SRBD1: variants seen among roughly 807,000 people sequenced by gnomAD.
SRBD1 encodes S1 RNA-binding domain-containing protein 1.
SRBD1 carries 88 observed loss-of-function variants against 115.3 expected under a neutral mutation model. The observed-to-expected ratio is 0.76, with a 90% confidence interval of 0.64 to 0.91. The LOEUF is 0.91. Among genes scored for constraint, SRBD1 ranks in the 40% least tolerant of loss-of-function variants. The pLI is 0.00. For missense variants in SRBD1, 1,385 were observed against 1,177.4 expected (o/e 1.18, Z -2.58); for synonymous variants, 509 against 407.7 (o/e 1.25, Z -2.99).
chr2:45,553,668 T>G lies in SRBD1; in HGVS notation c.1472A>C (p.Asp491Ala), dbSNP rs1672374733. 1 of 1,607,956 alleles carries G rather than the reference T, an allele frequency of 6.2e-7. No individual in the cohort carries two copies. The highest frequency in any genetic ancestry group is 8.5e-7 in the Non-Finnish European group (1 of 1,177,538). The stretch of plus-strand genomic sequence containing the variant: ...AGGATAAATAAGGCGTTTAAAGGAA[T>G]CATTCAGTGAATTATATAAGATCTT... ...LMKILYNSLN[D>A]SFKRLIYPLL... The change falls in exon 11 of 21, where the codon GAT becomes GCT. Residue 491 changes from aspartate to alanine, a missense_variant. Coordinates refer to ENST00000263736, the MANE Select transcript of SRBD1 (RefSeq NM_018079.5).
At chr2:45,581,645 T>C (rs552909660) in intron 6 of SRBD1, 48 bp downstream of exon 6, 21 of 1,434,500 alleles carry the variant, frequency 1.5e-5, no homozygotes, top group African/African-American at 1.1e-4. Flanking sequence ...AAGACCCAAA[T>C]TGCAATATAT....
At chr2:45,593,911 G>A (rs79343079) in intron 4 of SRBD1, among the ~76,000 whole-genome samples, 1 of 152,102 alleles carries the variant, frequency 6.6e-6, no homozygotes, top group East Asian at 1.9e-4. Flanking sequence ...GTATAAAGGG[G>A]GATTTTGAGA....
chr2:45,447,953 A>G (rs1558401715), intron 16 of SRBD1: 1 of 152,200 alleles, frequency 6.6e-6, no homozygotes, highest in Non-Finnish European at 1.5e-5. Flanking sequence ...AACATGGCTT[A>G]TTGTTTAATA....
At chr2:45,538,218 A>C (rs1671825613) in intron 14 of SRBD1, among the ~76,000 whole-genome samples, 1 of 152,212 alleles carries the variant, frequency 6.6e-6, no homozygotes, top group African/African-American at 2.4e-5. Flanking sequence ...AAAATTCTTC[A>C]TAACACCCCA....
chr2:45,454,156 T>C (rs1669082598), intron 16 of SRBD1, among the ~76,000 whole-genome samples: 1 of 151,924 alleles, frequency 6.6e-6, no homozygotes, highest in Admixed American at 6.6e-5. Context: ...TATTACAATG[T>C]GGTATTCCCT....
chr2:45,401,731 C>G (rs1462641871), intron 19 of SRBD1, among the ~76,000 whole-genome samples: 1 of 152,200 alleles, frequency 6.6e-6, no homozygotes, highest in Non-Finnish European at 1.5e-5. Context: ...TAGACATATT[C>G]AGTAGGCTGA....
intron 14 of SRBD1, among the ~76,000 whole-genome samples, chr2:45,516,831 T>C (rs1240957899): frequency 6.6e-6 from 1 of 152,202 alleles, no homozygotes; most frequent in Non-Finnish European, 1.5e-5. Context: ...AAATAAAAGA[T>C]ATATTAGAAT....
At chr2:45,591,398 C>T (rs1383653451) in intron 4 of SRBD1, among the ~76,000 whole-genome samples, 2 of 152,208 alleles carry the variant, frequency 1.3e-5, no homozygotes, top group East Asian at 3.9e-4. Context: ...AACTCCAATT[C>T]CCGAGTTTTC....
At chr2:45,407,627 G>C (rs1382931378) in intron 19 of SRBD1, among the ~76,000 whole-genome samples, 1 of 151,972 alleles carries the variant, frequency 6.6e-6, no homozygotes, top group Non-Finnish European at 1.5e-5. Flanking sequence ...ACAAAATTCA[G>C]AGTAATTATT....
intron 14 of SRBD1, among the ~76,000 whole-genome samples, chr2:45,523,690 T>G (rs2103962535): frequency 6.6e-6 from 1 of 150,500 alleles, no homozygotes; most frequent in South Asian, 2.1e-4. Flanking sequence ...ATACTGAATT[T>G]GTAATTAAAA....
chr2:45,490,242 T>G (rs1195900509), intron 14 of SRBD1, among the ~76,000 whole-genome samples: 1 of 152,158 alleles, frequency 6.6e-6, no homozygotes, highest in Non-Finnish European at 1.5e-5. Flanking sequence ...TCAGTTCCAT[T>G]ATAGTGGCAT....
intron 20 of SRBD1, among the ~76,000 whole-genome samples, chr2:45,391,619 T>A (rs1667004762): frequency 6.6e-6 from 1 of 152,150 alleles, no homozygotes; most frequent in Non-Finnish European, 1.5e-5. Context: ...AAAGTTTTTT[T>A]AAAGAGACCT....
Position 45,429,454 on chromosome 2 carries a change from G to A in SRBD1, c.2050-9560C>T, listed in dbSNP as rs183295686. Among the ~76,000 whole-genome samples, 121 of 152,108 alleles carry A rather than the reference G, an allele frequency of 8.0e-4. 1 individual carries two copies. Among genetic ancestry groups the A allele is most frequent in the African/African-American group, 2.8e-3 (115 of 41,482 alleles). ...CAAAAAGCTTATCCACCGAGATCAA[G>A]TTGGCTTCATCTCTGGGATGCAAGG... is the stretch of plus-strand genomic sequence containing the variant. On this transcript the variant is annotated intron_variant, in intron 16 of 20. Coordinates refer to ENST00000263736, the MANE Select transcript of SRBD1 (RefSeq NM_018079.5).
At chr2:45,396,967 C>T (rs1187912365) in intron 19 of SRBD1, among the ~76,000 whole-genome samples, 2 of 152,118 alleles carry the variant, frequency 1.3e-5, no homozygotes, top group Non-Finnish European at 2.9e-5. Context: ...AAGAACCATG[C>T]TATAAGGGCA....
intron 4 of SRBD1, among the ~76,000 whole-genome samples, chr2:45,588,971 C>T (rs1673632970): frequency 6.6e-6 from 1 of 152,102 alleles, no homozygotes; most frequent in African/African-American, 2.4e-5. Flanking sequence ...ACTGTATATT[C>T]TCTATCACAT....
At chr2:45,602,727 T>C (rs1390355121) in intron 2 of SRBD1, among the ~76,000 whole-genome samples, 4 of 151,676 alleles carry the variant, frequency 2.6e-5, no homozygotes, top group Non-Finnish European at 5.9e-5. Context: ...TGGGAACTCT[T>C]TTAAAGGACC....
intron 14 of SRBD1, among the ~76,000 whole-genome samples, chr2:45,507,455 C>T (rs1161081369): frequency 1.3e-5 from 2 of 152,080 alleles, no homozygotes; most frequent in South Asian, 2.1e-4. Context: ...CGGCGGCTCA[C>T]GTCTGTAATC....
chr2:45,603,700 T>C (rs1286143894), intron 2 of SRBD1, among the ~76,000 whole-genome samples: 1 of 152,032 alleles, frequency 6.6e-6, no homozygotes. Context: ...TGGCTAATTT[T>C]TGTATTTTTA....
At chr2:45,553,119 T>A (rs1247371981) in intron 11 of SRBD1, among the ~76,000 whole-genome samples, 2 of 152,170 alleles carry the variant, frequency 1.3e-5, no homozygotes, top group African/African-American at 2.4e-5. Context: ...CCATCTTCTG[T>A]CCTGAAAACA....
Sources: gnomAD v4.1 joint callset for allele counts (sites outside exome capture counted in the v4.1 genomes callset) on GRCh38, gnomAD v4.1.1 for gene constraint, MANE v1.5 for transcripts, NCBI Gene and HGNC (gene_info 2026-07-23, HGNC 2026-07-21) for gene names.